RERE: variants seen among roughly 807,000 people sequenced by gnomAD.
RERE encodes the protein arginine-glutamic acid dipeptide repeats.
Under a neutral mutation model 146.1 loss-of-function variants are expected in RERE, and 40 were observed. The ratio of observed to expected loss-of-function variants is 0.27; its 90% confidence interval spans 0.21 to 0.36. RERE has a LOEUF of 0.36. Ranked by LOEUF, RERE falls within the 10% of genes least tolerant of loss-of-function variation. The probability of loss-of-function intolerance (pLI) is 1.00; values close to 1 mark genes in which losing one functional copy is unlikely to be tolerated. For missense variants in RERE, 1,933 were observed against 2,138.7 expected, an observed-to-expected ratio of 0.90 and a Z score of 1.90; for synonymous variants, 1,003 against 866.0, an observed-to-expected ratio of 1.16 and a Z score of -2.78.
In RERE at chr1:8,564,600, A is replaced by G. The variant is rs116280041; in HGVS notation, c.523-7077T>C. Among the ~76,000 whole-genome samples the G allele has an allele frequency of 4.3e-3, 651 of 152,312 alleles. 4 individuals are homozygous for G. Among genetic ancestry groups the G allele is most frequent in the African/African-American group, 0.015 (629 of 41,564 alleles). On this transcript the variant is annotated intron_variant, in intron 4 of 22. Transcript: ENST00000400908. ...GTCATAGTTACCCAACTTCATGGAT[A>G]AATATCTGAAATTAAATTTAATTCA...
intron 2 of RERE, among the ~76,000 whole-genome samples, chr1:8,642,886 C>T (rs989935523): frequency 3.3e-5 from 5 of 152,186 alleles, no homozygotes; most frequent in Non-Finnish European, 7.4e-5. Flanking sequence ...TGAGACAATG[C>T]TACCCAAGAG....
At chr1:8,696,800 C>G (rs1272421270) in intron 1 of RERE, among the ~76,000 whole-genome samples, 1 of 152,074 alleles carries the variant, frequency 6.6e-6, no homozygotes, top group African/African-American at 2.4e-5. Flanking sequence ...GTCCCAGCTA[C>G]TCAGGAGGCT....
At chr1:8,756,871 C>T (rs181611502) in intron 1 of RERE, among the ~76,000 whole-genome samples, 1 of 152,202 alleles carries the variant, frequency 6.6e-6, no homozygotes, top group African/African-American at 2.4e-5. Context: ...GTAGGTGGAT[C>T]ACCTGACGTC....
chr1:8,692,314 G>C (rs532082058), intron 1 of RERE, among the ~76,000 whole-genome samples: 5 of 151,204 alleles, frequency 3.3e-5, no homozygotes, highest in African/African-American at 4.9e-5. Context: ...TATAGTATCT[G>C]CATATAACCT....
intron 1 of RERE, among the ~76,000 whole-genome samples, chr1:8,793,443 C>G (rs1009956922): frequency 6.6e-6 from 1 of 152,186 alleles, no homozygotes; most frequent in East Asian, 1.9e-4. Flanking sequence ...CCCACAACAA[C>G]AAGGCTGGCA....
At chr1:8,714,377 C>T (rs1639723035) in intron 1 of RERE, among the ~76,000 whole-genome samples, 1 of 152,166 alleles carries the variant, frequency 6.6e-6, no homozygotes. Context: ...TATGCTCTGG[C>T]GTCTTTCCTG....
chr1:8,568,903 AACCCTG>A (rs1294894262), intron 4 of RERE, among the ~76,000 whole-genome samples: 1 of 152,140 alleles, frequency 6.6e-6, no homozygotes, highest in Non-Finnish European at 1.5e-5. Context: ...CTCTCTGGAG[AACCCTG>A]ACTAATACAC....
intron 1 of RERE, among the ~76,000 whole-genome samples, chr1:8,707,292 A>G (rs1318247948): frequency 6.6e-6 from 1 of 152,242 alleles, no homozygotes; most frequent in Non-Finnish European, 1.5e-5. Context: ...TTAAATCGAA[A>G]GTCTAGTTAA....
chr1:8,396,283 T>C (rs1643053289), intron 12 of RERE, among the ~76,000 whole-genome samples: 1 of 152,182 alleles, frequency 6.6e-6, no homozygotes, highest in African/African-American at 2.4e-5. Flanking sequence ...GAGTTTGTTG[T>C]CCATGCCAAA....
chr1:8,579,469 T>TA lies in RERE; in HGVS notation c.523-21947dup, dbSNP rs760129900. On this transcript the variant is annotated intron_variant, in intron 4 of 22. Transcript: ENST00000400908. ...CAGATAGGCTAACAAGAAAAACTGT[T>TA]AGAGTTCTAAATGGCAGTAAATAAT... Among the ~76,000 whole-genome samples, 16 of 152,316 alleles carry TA rather than the reference T, an allele frequency of 1.1e-4. No individual in the cohort carries two copies. The East Asian group carries it at 1.5e-3, about 15-fold the overall frequency.
chr1:8,577,954 G>A (rs1035808375), intron 4 of RERE, among the ~76,000 whole-genome samples: 2 of 152,112 alleles, frequency 1.3e-5, no homozygotes, highest in East Asian at 3.9e-4. Context: ...AGCCAGGTGC[G>A]GTGGCGGGCG....
At chr1:8,456,066 A>T (rs1238032320) in intron 11 of RERE, among the ~76,000 whole-genome samples, 1 of 152,194 alleles carries the variant, frequency 6.6e-6, no homozygotes, top group African/African-American at 2.4e-5. Context: ...ACAGGCCTAG[A>T]GCAAGCAAAT....
At chr1:8,717,899 G>T (rs562395346) in intron 1 of RERE, among the ~76,000 whole-genome samples, 5 of 152,308 alleles carry the variant, frequency 3.3e-5, no homozygotes, top group South Asian at 2.1e-4. Flanking sequence ...AGTGGTGATT[G>T]AAGAGTCAAC....
chr1:8,528,265 CAT>C (rs1009876307), intron 7 of RERE, among the ~76,000 whole-genome samples: 3 of 152,058 alleles, frequency 2.0e-5, no homozygotes, highest in African/African-American at 7.2e-5. Flanking sequence ...GGTGAGGAAA[CAT>C]GTTGTGAAAA....
chr1:8,750,368 C>T (rs1640508102), intron 1 of RERE: 2 of 643,494 alleles, frequency 3.1e-6, no homozygotes, highest in Non-Finnish European at 5.5e-6. Context: ...CATTCAACAT[C>T]TGTGAGTGTC....
intron 6 of RERE, among the ~76,000 whole-genome samples, chr1:8,546,900 A>C (rs1488516700): frequency 6.6e-6 from 1 of 151,876 alleles, no homozygotes. Context: ...TAGGGGGAAA[A>C]AGTCCAAAAC....
chr1:8,375,123 T>G (rs944405424), intron 12 of RERE, among the ~76,000 whole-genome samples: 1 of 152,200 alleles, frequency 6.6e-6, no homozygotes, highest in African/African-American at 2.4e-5. Context: ...ATCTCATCTG[T>G]GAGTACCCCA....
At chr1:8,612,841 C>T (rs1459329310) in intron 4 of RERE, among the ~76,000 whole-genome samples, 2 of 152,112 alleles carry the variant, frequency 1.3e-5, no homozygotes, top group African/African-American at 2.4e-5. Flanking sequence ...TAATTTGTCC[C>T]GTAAGATGTC....
At chr1:8,703,248 C>CGGCGGCTT (rs1195626667) in intron 1 of RERE, 1 of 149,894 alleles carries the variant, frequency 6.7e-6, no homozygotes, top group African/African-American at 2.4e-5. Flanking sequence ...GCGCAGGTCC[C>CGGCGGCTT]GGCGGCTTGG....
Sources: allele counts gnomAD v4.1 joint callset (sites outside exome capture counted in the v4.1 genomes callset), GRCh38; gene constraint gnomAD v4.1.1; transcripts MANE v1.5; gene names NCBI Gene and HGNC (gene_info 2026-07-23, HGNC 2026-07-21).